The following GPM6A variants were observed in gnomAD, a reference collection of about 807,000 sequenced individuals.
The protein encoded by GPM6A is glycoprotein M6A, also known as neuronal membrane glycoprotein M6-a.
In GPM6A, 7 loss-of-function variants were observed where a neutral mutation model predicts 32.1. The observed-to-expected ratio is 0.22, with a 90% CI of 0.12 to 0.41. The LOEUF (loss-of-function observed/expected upper bound fraction) is 0.41, where lower values mean the gene tolerates loss of function less well. Ranked by LOEUF, GPM6A falls within the 10% of genes least tolerant of loss-of-function variation. The pLI, the probability that GPM6A is intolerant of heterozygous loss-of-function variation, is 1.00. For synonymous variants in GPM6A, 130 were observed against 123.4 expected (o/e 1.05, Z -0.35); for missense variants, 235 against 347.2 (o/e 0.68, Z 2.57).
intron 1 of GPM6A, among the ~76,000 whole-genome samples, chr4:175,753,264 A>T (rs1475873460): frequency 6.6e-6 from 1 of 152,172 alleles, no homozygotes; most frequent in Non-Finnish European, 1.5e-5. Flanking sequence ...GTGATGTTTC[A>T]TATTTATTAT....
At chr4:175,788,070 C>G (rs921671290) in intron 1 of GPM6A, 4 of 152,138 alleles carry the variant, frequency 2.6e-5, no homozygotes, top group African/African-American at 7.2e-5. Context: ...TTGCTAGCAC[C>G]TCGCTTCTCC....
intron 1 of GPM6A, among the ~76,000 whole-genome samples, chr4:175,770,271 C>A (rs1733133278): frequency 6.6e-6 from 1 of 152,198 alleles, no homozygotes; most frequent in Non-Finnish European, 1.5e-5. Context: ...GATGATCCAC[C>A]CACCTTGGCC....
chr4:175,980,221 G>C (rs1271864182), intron 1 of GPM6A, among the ~76,000 whole-genome samples: 2 of 152,164 alleles, frequency 1.3e-5, no homozygotes, highest in African/African-American at 4.8e-5. Flanking sequence ...GCTGGGCGTG[G>C]TGGCATGCAT....
intron 1 of GPM6A, among the ~76,000 whole-genome samples, chr4:175,751,687 C>T (rs1289916102): frequency 1.3e-5 from 2 of 151,526 alleles, no homozygotes; most frequent in African/African-American, 4.8e-5. Context: ...TGTAGTATTA[C>T]ATGTGGTTAT....
chr4:175,979,555 A>G lies in GPM6A; in HGVS notation c.-23+22754T>C, dbSNP rs572422755. Among the ~76,000 whole-genome samples, 6 of 152,248 alleles carry G rather than the reference A, an allele frequency of 3.9e-5. No homozygotes were observed. The South Asian group carries it at 1.2e-3, about 32-fold the overall frequency. On this transcript the variant is annotated intron_variant, in intron 1 of 7. Transcript: ENST00000280187. ...GATGGTTTCCAGCTTCATCCGTGCA[A>G]CAAACCTGCATGTTGTGCACATGTA... is the stretch of plus-strand genomic sequence containing the variant.
intron 3 of GPM6A, among the ~76,000 whole-genome samples, chr4:175,657,360 A>C (rs1438013961): frequency 6.6e-6 from 1 of 152,208 alleles, no homozygotes; most frequent in African/African-American, 2.4e-5. Context: ...GGTTAATGTG[A>C]GAGAGAAAAA....
intron 1 of GPM6A, among the ~76,000 whole-genome samples, chr4:175,837,445 G>A (rs910459372): frequency 1.3e-5 from 2 of 152,202 alleles, no homozygotes; most frequent in African/African-American, 4.8e-5. Context: ...GAGCAAGAAC[G>A]GAAGCAGAGA....
intron 1 of GPM6A, among the ~76,000 whole-genome samples, chr4:175,763,092 TA>T (rs1332078752): frequency 3.3e-5 from 5 of 152,230 alleles, no homozygotes; most frequent in African/African-American, 1.2e-4. Flanking sequence ...ATAAAGTTGT[TA>T]AAAAATAGAT....
intron 1 of GPM6A, chr4:175,970,891 G>C (rs1477539528): frequency 2.2e-6 from 1 of 451,706 alleles, no homozygotes; most frequent in Non-Finnish European, 4.4e-6. Context: ...GGCATCACTC[G>C]ATACCGACAG....
intron 1 of GPM6A, among the ~76,000 whole-genome samples, chr4:175,986,272 T>G (rs899033217): frequency 2.6e-5 from 4 of 152,188 alleles, no homozygotes; most frequent in Admixed American, 1.3e-4. Context: ...TGATGCCTCA[T>G]GCTTGTAATT....
chr4:175,835,514 C>G (rs1255879804), intron 1 of GPM6A, among the ~76,000 whole-genome samples: 1 of 151,280 alleles, frequency 6.6e-6, no homozygotes, highest in Non-Finnish European at 1.5e-5. Context: ...AAAACCTTCT[C>G]TGTCCTCCAT....
intron 1 of GPM6A, among the ~76,000 whole-genome samples, chr4:175,725,639 G>A (rs1320518726): frequency 2.0e-5 from 3 of 151,890 alleles, no homozygotes; most frequent in Non-Finnish European, 4.4e-5. Context: ...GTATATTTTT[G>A]TTTCCCATCA....
At chr4:175,729,319 A>G (rs1262815647) in intron 1 of GPM6A, among the ~76,000 whole-genome samples, 5 of 152,120 alleles carry the variant, frequency 3.3e-5, no homozygotes, top group African/African-American at 1.2e-4. Flanking sequence ...GGATTATAGA[A>G]ACCATCAGAT....
upstream of GPM6A, chr4:176,002,334 G>A: frequency 6.3e-7 from 1 of 1,587,616 alleles, no homozygotes. Flanking sequence ...CTGCTTCTCT[G>A]CAGTCCCCAG....
intron 2 of GPM6A, among the ~76,000 whole-genome samples, chr4:175,688,513 A>T (rs1239331064): frequency 6.6e-6 from 1 of 151,900 alleles, no homozygotes; most frequent in Non-Finnish European, 1.5e-5. Context: ...GCTTGAGTTT[A>T]TTTCTGGGTT....
intron 1 of GPM6A, among the ~76,000 whole-genome samples, chr4:175,788,393 C>A (rs1214850610): frequency 6.6e-6 from 1 of 152,130 alleles, no homozygotes; most frequent in Non-Finnish European, 1.5e-5. Flanking sequence ...AAAGAAATTT[C>A]TTTAAATTGG....
At chr4:175,914,379 T>C (rs1459321611) in intron 1 of GPM6A, among the ~76,000 whole-genome samples, 2 of 152,190 alleles carry the variant, frequency 1.3e-5, no homozygotes, top group Admixed American at 1.3e-4. Context: ...TGGAGTGCAG[T>C]GGTGTGATCT....
chr4:175,822,006 T>C (rs1228923454), intron 1 of GPM6A, among the ~76,000 whole-genome samples: 2 of 152,112 alleles, frequency 1.3e-5, no homozygotes, highest in African/African-American at 4.8e-5. Context: ...GATTCTATGG[T>C]TTCATTATTA....
intron 1 of GPM6A, among the ~76,000 whole-genome samples, chr4:175,945,775 A>G (rs6851980): frequency 0.042 from 1,084 of 25,744 alleles, no homozygotes; most frequent in Non-Finnish European, 0.059. Context: ...TGCATATTAC[A>G]TACAACTCAG....
Sources: allele counts gnomAD v4.1 joint callset (sites outside exome capture counted in the v4.1 genomes callset), GRCh38; gene constraint gnomAD v4.1.1; transcripts MANE v1.5; gene names NCBI Gene and HGNC (gene_info 2026-07-23, HGNC 2026-07-21).